SHPRH: variants seen among roughly 807,000 people sequenced by gnomAD.
SHPRH encodes SNF2 histone linker PHD RING helicase, also known as E3 ubiquitin-protein ligase SHPRH.
SHPRH carries 106 observed loss-of-function variants against 202.5 expected under a neutral mutation model. The ratio of observed to expected loss-of-function variants is 0.52; its 90% CI spans 0.45 to 0.62. The LOEUF (loss-of-function observed/expected upper bound fraction) is 0.62, where lower values mean the gene tolerates loss of function less well. Ranked by LOEUF, SHPRH falls within the 20% of genes least tolerant of loss-of-function variation. The pLI is 0.00. For synonymous variants in SHPRH, 729 were observed against 686.0 expected (o/e 1.06, Z -0.98); for missense variants, 1,710 against 2,020.0 (o/e 0.85, Z 2.94).
chr6:145,956,171 A>G (rs1788488512), intron 1 of SHPRH, among the ~76,000 whole-genome samples: 1 of 152,152 alleles, frequency 6.6e-6, no homozygotes. Context: ...TCAGAAACCT[A>G]CTAGACAATG....
chr6:145,894,280 C>G (rs376640539), intron 26 of SHPRH, 44 bp from the exon 27 acceptor site: 3 of 1,415,934 alleles, frequency 2.1e-6, no homozygotes, highest in African/African-American at 1.5e-5. Flanking sequence ...TTACACGTAG[C>G]CTTTATCTAA....
chr6:145,902,437 T>C (rs560638708), intron 25 of SHPRH, among the ~76,000 whole-genome samples: 5 of 152,130 alleles, frequency 3.3e-5, no homozygotes, highest in African/African-American at 4.8e-5. Flanking sequence ...TACAAGTTGT[T>C]AAATGTGTTA....
At position 145,886,528 on chromosome 6, in the gene SHPRH, C is replaced by T. The variant is rs1336244437; in HGVS notation, c.*163G>A. 1.6e-6 allele frequency: 2 copies of T among 1,258,214 alleles called. No individual in the cohort carries two copies. The highest frequency in any genetic ancestry group is 1.1e-6 in the Non-Finnish European group (1 of 897,846). 77.9% of individuals were successfully genotyped at this position (1,258,214 alleles called of 1,614,324 possible). A position where few individuals can be genotyped will look rare whatever the true frequency, so the allele number is the denominator to read the frequency against. On this transcript the variant is annotated 3_prime_UTR_variant, in exon 30 of 30. Coordinates refer to ENST00000275233, the MANE Select transcript of SHPRH (RefSeq NM_001042683.3). ...TTTGGAAACAGTATATTGAAAAGGA[C>T]TCAATAAGTACTAAGCCACTGTATA...
intron 6 of SHPRH, among the ~76,000 whole-genome samples, chr6:145,947,029 A>C (rs139147294): frequency 2.6e-5 from 4 of 152,218 alleles, no homozygotes; most frequent in African/African-American, 9.6e-5. Context: ...TTTTGGGACA[A>C]GGACTTGAAG....
At chr6:145,871,148 G>C (rs572246780) in intron 2 of SHPRH, 1 of 152,230 alleles carries the variant, frequency 6.6e-6, no homozygotes, top group South Asian at 2.1e-4. Context: ...ACCAGCACAA[G>C]ACAAGTTTGC....
chr6:145,947,747 T>C (rs1787550878), intron 5 of SHPRH, 104 bp from the exon 6 acceptor site: 2 of 1,342,370 alleles, frequency 1.5e-6, no homozygotes, highest in Admixed American at 4.8e-5. Context: ...GCATAAAGTC[T>C]AAGTTTATTG....
chr6:145,906,965 T>C (rs902524388), intron 25 of SHPRH: 1 of 152,182 alleles, frequency 6.6e-6, no homozygotes, highest in African/African-American at 2.4e-5. Context: ...AGTTGCTCCT[T>C]CTCATTTTCC....
Position 145,910,629 on chromosome 6 carries a change from A to G in SHPRH, c.4334T>C (p.Val1445Ala). ...ACAGAAACAGTGACCACAGGTCAGT[A>G]CCGCCCACTAAAAAGAAAACAGAAC... The part of the protein sequence containing the change: ...CARQLGKQWA[V>A]LTCGHCFCNE... Residue 1445 changes from valine to alanine, a missense_variant, in exon 25 of 30, where the codon GTA (valine) becomes GCA (alanine). Transcript: ENST00000275233. 1 of 1,604,802 alleles carries G rather than the reference A, an allele frequency of 6.2e-7. No homozygotes were observed. The highest frequency in any genetic ancestry group is 8.5e-7 in the Non-Finnish European group (1 of 1,174,112).
intron 1 of SHPRH, 79 bp downstream of exon 1, chr6:145,963,652 T>C (rs1050126134): frequency 3.9e-5 from 6 of 152,196 alleles, no homozygotes; most frequent in Admixed American, 1.3e-4. Context: ...CTTTTACTAA[T>C]ACAATGCCGC....
At chr6:145,936,604 G>A (rs2128770360) in intron 11 of SHPRH, among the ~76,000 whole-genome samples, 1 of 152,174 alleles carries the variant, frequency 6.6e-6, no homozygotes, top group African/African-American at 2.4e-5. Flanking sequence ...TGGGATTACA[G>A]GTGTGAGCCA....
chr6:145,955,802 A>C (rs1444416587), intron 1 of SHPRH, among the ~76,000 whole-genome samples: 2 of 152,074 alleles, frequency 1.3e-5, no homozygotes, highest in African/African-American at 4.8e-5. Flanking sequence ...TAAAACAGAA[A>C]AATAAGACCC....
chr6:145,927,118 A>G, intron 15 of SHPRH, 71 bp downstream of exon 15: 1 of 1,381,322 alleles, frequency 7.2e-7, no homozygotes, highest in South Asian at 1.2e-5. Flanking sequence ...TTATCCTCTT[A>G]AACATTCAGA....
At chr6:145,960,056 C>T (rs1262041497) in intron 1 of SHPRH, among the ~76,000 whole-genome samples, 2 of 152,296 alleles carry the variant, frequency 1.3e-5, no homozygotes, top group East Asian at 3.9e-4. Flanking sequence ...AGCTCAATAC[C>T]TTGATATAGC....
At chr6:145,919,190 G>C in intron 22 of SHPRH, 158 bp downstream of exon 22, 1 of 983,298 alleles carries the variant, frequency 1.0e-6, no homozygotes. Context: ...GACCATTTTT[G>C]GTCTATAAAG....
At chr6:145,891,423 T>C (rs946599386) in intron 28 of SHPRH, among the ~76,000 whole-genome samples, 4 of 152,120 alleles carry the variant, frequency 2.6e-5, no homozygotes, top group African/African-American at 7.2e-5. Context: ...TGCCCAAACA[T>C]TGCACTTTTA....
rs777262708 is a variant in SHPRH at position 145,945,433 on chromosome 6, G to A, written c.1526C>T (p.Thr509Ile). ...IKGHGFSGTFTLGKNYKEEDI... is the reference protein window; with the variant it reads ...IKGHGFSGTFILGKNYKEEDI... ...CTCTTCCTTGTAATTCTTTCCCAAT[G>A]TAAAAGTCCCAGAAAAACCATGGCC... The change falls in exon 8 of 30, where the codon ACA becomes ATA. Residue 509 changes from threonine to isoleucine, a missense_variant. Transcript: ENST00000275233. The A allele has an allele frequency of 6.2e-7, 1 of 1,612,856 alleles. No individual in the cohort carries two copies.
intron 4 of SHPRH, among the ~76,000 whole-genome samples, chr6:145,949,781 A>G (rs1372883460): frequency 2.0e-5 from 3 of 152,118 alleles, no homozygotes; most frequent in Admixed American, 2.0e-4. Flanking sequence ...TACTACTTTC[A>G]TAAAAATACT....
intron 25 of SHPRH, among the ~76,000 whole-genome samples, chr6:145,897,384 A>G (rs1300202493): frequency 6.6e-6 from 1 of 152,138 alleles, no homozygotes; most frequent in Non-Finnish European, 1.5e-5. Flanking sequence ...AACAAGATTG[A>G]GTCAGTAATA....
chr6:145,952,770 C>A (rs1284805919), intron 2 of SHPRH, among the ~76,000 whole-genome samples: 4 of 152,050 alleles, frequency 2.6e-5, no homozygotes, highest in African/African-American at 9.7e-5. Flanking sequence ...TCTACCAATG[C>A]AATGATTCCC....
Sources: allele counts gnomAD v4.1 joint callset (sites outside exome capture counted in the v4.1 genomes callset), GRCh38; gene constraint gnomAD v4.1.1; transcripts MANE v1.5; gene names NCBI Gene and HGNC (gene_info 2026-07-23, HGNC 2026-07-21).